DPP6: variants seen among roughly 807,000 people sequenced by gnomAD.
DPP6 encodes dipeptidyl peptidase like 6.
A neutral mutation model predicts 122.6 loss-of-function variants in DPP6; 69 were observed. The observed-to-expected ratio is 0.56, with a 90% CI of 0.46 to 0.69. DPP6 has a LOEUF of 0.69. DPP6 is among the 30% of genes least tolerant of loss of function. The probability of loss-of-function intolerance (pLI) is 0.00; values close to 1 mark genes in which losing one functional copy is unlikely to be tolerated. For missense variants in DPP6, 928 were observed against 1,116.9 expected (o/e 0.83, Z 2.41); for synonymous variants, 418 against 433.1 (o/e 0.97, Z 0.43).
intron 4 of DPP6, among the ~76,000 whole-genome samples, chr7:154,548,941 T>C (rs899203097): frequency 6.6e-6 from 1 of 152,080 alleles, no homozygotes; most frequent in African/African-American, 2.4e-5. Context: ...AATGGCATAA[T>C]AGGCAAAATG....
chr7:154,093,872 GTGCT>G (rs1805113750), intron 1 of DPP6: 1 of 151,908 alleles, frequency 6.6e-6, no homozygotes, highest in Admixed American at 6.6e-5. Context: ...GGATCCCGCC[GTGCT>G]TCCTTCCCAC....
rs894524437 is a variant in DPP6, at chr7:154,828,958, C to T, written c.1666+21846C>T. On this transcript the variant is annotated intron_variant, in intron 16 of 25. Transcript: ENST00000377770. Reference sequence around the variant, plus strand: ...TGAACATCAAATACAGTCTCGGTCTCGTACCTTTGTAAGTCATGCTATCAT... The same window carrying T: ...TGAACATCAAATACAGTCTCGGTCTTGTACCTTTGTAAGTCATGCTATCAT... 2.6e-5 allele frequency among the ~76,000 whole-genome samples: 4 copies of T among 152,182 alleles called. No homozygotes were observed. In the East Asian group the frequency reaches 5.8e-4, roughly 22 times the overall value.
At chr7:153,786,266 ATC>A in the DPP6 span, among the ~76,000 whole-genome samples, 1 of 42,720 alleles carries the variant, frequency 2.3e-5, no homozygotes, top group African/African-American at 1.4e-4. Flanking sequence ...TTTTAATGAC[ATC>A]TGACATCTGA....
In DPP6 at chr7:154,755,225, G is replaced by A. The variant is rs1368866019; in HGVS notation, c.884-14192G>A. Among the ~76,000 whole-genome samples the A allele has an allele frequency of 5.3e-5, 8 of 151,008 alleles. No individual in the cohort carries two copies. The highest frequency in any genetic ancestry group is 1.7e-4 in the African/African-American group (7 of 41,004). ...AATGTTTTGGTCAGTACCAGGACAC[G>A]AATGACAGGCTGCCTGCCTGTCCGA... On this transcript the variant is annotated intron_variant, in intron 8 of 25. Transcript: ENST00000377770. This position sits in a 1 kb window ranked among gnomAD's most constrained non-coding sequence, Gnocchi z 4.7.
intron 8 of DPP6, among the ~76,000 whole-genome samples, chr7:154,751,925 T>A (rs487479): frequency 7.9e-5 from 12 of 152,108 alleles, no homozygotes; most frequent in Admixed American, 7.9e-4. Context: ...AGTGTCACCC[T>A]AAAAAGGGAT....
At chr7:154,636,468 G>C (rs1835733069) in intron 5 of DPP6, among the ~76,000 whole-genome samples, 1 of 152,336 alleles carries the variant, frequency 6.6e-6, no homozygotes, top group Non-Finnish European at 1.5e-5. Context: ...TTATTAGATT[G>C]CTGTAGCAGC....
At chr7:154,639,456 C>G (rs1354033403) in intron 6 of DPP6, among the ~76,000 whole-genome samples, 1 of 152,120 alleles carries the variant, frequency 6.6e-6, no homozygotes, top group Non-Finnish European at 1.5e-5. Flanking sequence ...ATTTATCTGC[C>G]CCTTCTGGGA....
chr7:154,838,034 CT>C (rs1801221885), intron 16 of DPP6, among the ~76,000 whole-genome samples: 1 of 152,190 alleles, frequency 6.6e-6, no homozygotes, highest in Admixed American at 6.5e-5. Flanking sequence ...AGCGTCTCCA[CT>C]TGCAGGGCAC....
At chr7:153,926,771 C>G (rs1800920008) in intron 1 of DPP6, among the ~76,000 whole-genome samples, 1 of 150,984 alleles carries the variant, frequency 6.6e-6, no homozygotes, top group Non-Finnish European at 1.5e-5. Context: ...AAACAGACAG[C>G]TGCTCCTGGT....
intron 1 of DPP6, among the ~76,000 whole-genome samples, chr7:154,030,319 A>G (rs1442149756): frequency 2.0e-5 from 3 of 152,194 alleles, no homozygotes; most frequent in Admixed American, 1.3e-4. Flanking sequence ...ATCGCTCATC[A>G]TGGTTCCTTT....
At chr7:154,796,684 G>A (rs546532071) in intron 12 of DPP6, among the ~76,000 whole-genome samples, 1 of 152,304 alleles carries the variant, frequency 6.6e-6, no homozygotes, top group East Asian at 1.9e-4. Context: ...ACACAGGTAT[G>A]CTTCTTCATC....
At chr7:154,610,925 A>C (rs28588717) in intron 5 of DPP6, among the ~76,000 whole-genome samples, 1 of 151,576 alleles carries the variant, frequency 6.6e-6, no homozygotes, top group African/African-American at 2.4e-5. Flanking sequence ...CTAACCTCTC[A>C]CCTTTGTAAG....
rs752478049 is a variant in DPP6, at chr7:154,222,737, C to T, written c.243+169674C>T. Among the ~76,000 whole-genome samples, 2 of 149,342 alleles carry T rather than the reference C, an allele frequency of 1.3e-5. 1 individual carries two copies. Among genetic ancestry groups the T allele is most frequent in the African/African-American group, 5.1e-5 (2 of 39,240 alleles). On this transcript the variant is annotated intron_variant, in intron 1 of 25. Transcript: ENST00000377770. Reference sequence around the variant, plus strand: ...ACTCTTTCAGTAAAATATCCAGATCCGGAAGCTCATTTCCTGCATATTTTG... The same window carrying T: ...ACTCTTTCAGTAAAATATCCAGATCTGGAAGCTCATTTCCTGCATATTTTG...
In DPP6 at chr7:154,007,819, G is replaced by C. The variant is rs565755811; in HGVS notation, c.51+120085G>C. 4.1e-3 allele frequency among the ~76,000 whole-genome samples: 629 copies of C among 152,214 alleles called. 7 individuals carry two copies. Among genetic ancestry groups the C allele is most frequent in the Non-Finnish European group, 6.4e-3 (432 of 68,028 alleles). ...CCACAGATAGTGAGGTAGTTCTCCT[G>C]TGGTCACACACCTCGGGATCCTTCA... is the stretch of plus-strand genomic sequence containing the variant. On this transcript the variant is annotated intron_variant, in intron 1 of 25. Transcript: ENST00000404039.
At chr7:154,509,796 C>T (rs573649724) in intron 3 of DPP6, among the ~76,000 whole-genome samples, 22 of 152,266 alleles carry the variant, frequency 1.4e-4, no homozygotes, top group Middle Eastern at 3.4e-3. Context: ...CTACATGCTA[C>T]GTACTGATTA....
intron 1 of DPP6, among the ~76,000 whole-genome samples, chr7:153,990,520 T>A (rs2129042029): frequency 6.6e-6 from 1 of 151,884 alleles, no homozygotes; most frequent in South Asian, 2.1e-4. Context: ...GGGAGAGGGC[T>A]CAGGCTTGCT....
intron 1 of DPP6, among the ~76,000 whole-genome samples, chr7:154,089,546 T>C (rs552229379): frequency 1.3e-3 from 171 of 127,944 alleles, no homozygotes; most frequent in Non-Finnish European, 2.1e-3. Context: ...AAGTAAAGTA[T>C]CAAAGGCAGT....
At chr7:154,351,224 G>A (rs574339395) in intron 1 of DPP6, among the ~76,000 whole-genome samples, 3 of 152,262 alleles carry the variant, frequency 2.0e-5, no homozygotes, top group African/African-American at 7.2e-5. Context: ...TTAATTTTAT[G>A]AGGACGGTTT....
chr7:154,191,148 C>A (rs1204497092), intron 1 of DPP6, among the ~76,000 whole-genome samples: 3 of 152,186 alleles, frequency 2.0e-5, no homozygotes, highest in African/African-American at 7.2e-5. Context: ...TATGCTCTGA[C>A]TGCTGATGCC....
Sources: gnomAD v4.1 joint callset for allele counts (sites outside exome capture counted in the v4.1 genomes callset) on GRCh38, gnomAD v4.1.1 for gene constraint, Gnocchi (gnomAD v3.1) non-coding constraint, MANE v1.5 for transcripts, NCBI Gene and HGNC (gene_info 2026-07-23, HGNC 2026-07-21) for gene names.